DNAH9: variants seen among roughly 807,000 people sequenced by gnomAD.
DNAH9 encodes the protein dynein axonemal heavy chain 9, also known as DNAH9 variant protein.
In DNAH9, 345 loss-of-function variants were observed where a neutral mutation model predicts 471.6. The ratio of observed to expected loss-of-function variants is 0.73; its 90% CI spans 0.67 to 0.80. DNAH9 has a LOEUF of 0.80. Among genes scored for constraint, DNAH9 ranks in the 30% least tolerant of loss-of-function variants. The pLI is 0.00. For synonymous variants in DNAH9, 2,093 were observed against 2,123.6 expected (o/e 0.99, Z 0.40); for missense variants, 5,407 against 5,609.2 (o/e 0.96, Z 1.15).
At chr17:11,776,108 A>AC (rs1182194417) in intron 38 of DNAH9, among the ~76,000 whole-genome samples, 1 of 152,042 alleles carries the variant, frequency 6.6e-6, no homozygotes, top group Non-Finnish European at 1.5e-5. Context: ...GGCTTTCCTC[A>AC]CCTTAGTTCT....
chr17:11,676,983 G>A (rs1033639258), intron 17 of DNAH9, among the ~76,000 whole-genome samples: 3 of 151,802 alleles, frequency 2.0e-5, no homozygotes, highest in Non-Finnish European at 4.4e-5. Context: ...CAACTTAATT[G>A]TGCTGTGGTT....
At chr17:11,708,931 A>G (rs1820702266) in intron 26 of DNAH9, among the ~76,000 whole-genome samples, 1 of 152,124 alleles carries the variant, frequency 6.6e-6, no homozygotes, top group African/African-American at 2.4e-5. Flanking sequence ...ATACTCCTTG[A>G]GTGAATGCAA....
At chr17:11,633,122 T>C (rs1390095963) in intron 8 of DNAH9, among the ~76,000 whole-genome samples, 9 of 152,144 alleles carry the variant, frequency 5.9e-5, no homozygotes, top group Admixed American at 5.9e-4. Flanking sequence ...TTTGTGCTCT[T>C]ATCATATCAC....
intron 19 of DNAH9, among the ~76,000 whole-genome samples, chr17:11,688,576 A>G (rs1454083622): frequency 6.6e-6 from 1 of 152,240 alleles, no homozygotes; most frequent in Non-Finnish European, 1.5e-5. Context: ...GAGCTTCACC[A>G]TGAATGATGA....
At chr17:11,865,919 G>T (rs1412351345) in intron 50 of DNAH9, among the ~76,000 whole-genome samples, 1 of 152,030 alleles carries the variant, frequency 6.6e-6, no homozygotes, top group South Asian at 2.1e-4. Flanking sequence ...TTATACATTC[G>T]TCTAAATTTG....
chr17:11,911,688 C>A (rs1349554728), intron 61 of DNAH9, among the ~76,000 whole-genome samples: 1 of 152,172 alleles, frequency 6.6e-6, no homozygotes, highest in Non-Finnish European at 1.5e-5. Context: ...GTATTACCAT[C>A]TTAACAATAT....
At chr17:11,778,329 C>CAAAAAAAAAAAAAAA (rs57983162) in intron 38 of DNAH9, among the ~76,000 whole-genome samples, 2 of 48,638 alleles carry the variant, frequency 4.1e-5, no homozygotes, top group East Asian at 7.6e-4. Context: ...GACTCCATCT[C>CAAAAAAAAAAAAAAA]AAAAAAAAAA....
intron 50 of DNAH9, among the ~76,000 whole-genome samples, chr17:11,856,527 G>A (rs920623601): frequency 1.6e-5 from 2 of 125,696 alleles, no homozygotes; most frequent in East Asian, 2.1e-4. Flanking sequence ...GTGAAACCCC[G>A]TCTTTACTAA....
intron 4 of DNAH9, among the ~76,000 whole-genome samples, chr17:11,615,298 A>T (rs2072718749): frequency 6.6e-6 from 1 of 152,138 alleles, no homozygotes; most frequent in African/African-American, 2.4e-5. Context: ...AAAAGGTATG[A>T]GCTCGGCTGG....
intron 67 of DNAH9, among the ~76,000 whole-genome samples, chr17:11,945,559 T>G (rs890238998): frequency 6.6e-6 from 1 of 151,500 alleles, no homozygotes; most frequent in Non-Finnish European, 1.5e-5. Context: ...AAAAATCACT[T>G]TAAAGTTCTG....
intron 43 of DNAH9, among the ~76,000 whole-genome samples, chr17:11,806,267 G>A (rs556984354): frequency 3.3e-5 from 5 of 152,144 alleles, no homozygotes; most frequent in South Asian, 4.2e-4. Flanking sequence ...GTCATTCTGC[G>A]CGGCAGTCTC....
intron 35 of DNAH9, among the ~76,000 whole-genome samples, chr17:11,762,770 G>GTTTTGTTTTTTTTTTTTTTTTTT: frequency 1.1e-5 from 1 of 90,794 alleles, no homozygotes; most frequent in East Asian, 3.3e-4. Flanking sequence ...TTTTTTTTTT[G>GTTTTGTTTTTTTTTTTTTTTTTT]TTTTTTTTTT....
intron 25 of DNAH9, 120 bp from the exon 26 acceptor site, chr17:11,704,905 A>G (rs1053790471): frequency 2.5e-6 from 2 of 800,506 alleles, no homozygotes; most frequent in African/African-American, 3.4e-5. Context: ...TGGTGGCCAC[A>G]GCATGCTGCA....
intron 50 of DNAH9, among the ~76,000 whole-genome samples, chr17:11,863,278 T>C (rs1165401571): frequency 6.6e-6 from 1 of 152,230 alleles, no homozygotes; most frequent in East Asian, 1.9e-4. Flanking sequence ...ATTAAGATAA[T>C]CATGTGGTTT....
Position 11,719,206 on chromosome 17 carries a change from CG to C in DNAH9, c.5553-125del. On this transcript the variant is annotated intron_variant, in intron 26 of 68. Coordinates refer to ENST00000262442, the MANE Select transcript of DNAH9 (RefSeq NM_001372.4). Reference sequence around the variant, plus strand: ...GTCCTCCCCACAGTGCTGTGGGGAGCGGGAAAAAGGGGCAGGGCTCTTGGCT... The same window carrying C: ...GTCCTCCCCACAGTGCTGTGGGGAGCGGAAAAAGGGGCAGGGCTCTTGGCT... 6.9e-6 allele frequency: 6 copies of C among 875,570 alleles called. No individual in the cohort carries two copies. The South Asian group carries it at 1.1e-4, about 16-fold the overall frequency. The allele number at this position is 875,570 out of a possible 1,614,324, so 54.2% of individuals were successfully genotyped here.
chr17:11,847,293 T>A (rs1387219551), intron 49 of DNAH9, among the ~76,000 whole-genome samples: 2 of 152,226 alleles, frequency 1.3e-5, no homozygotes, highest in African/African-American at 2.4e-5. Flanking sequence ...CATTCCTATG[T>A]CCAGAATGGT....
At position 11,745,007 on chromosome 17, in the gene DNAH9, G is replaced by C; in HGVS notation, c.6322G>C (p.Asp2108His). ...FPALDVPRRR[D>H]PNFEALVRKA... ...CGCCCTGGATGTCCCCCGGAGGAGA[G>C]ACCCCAACTTCGAAGCTTTGGTTAG... is the stretch of plus-strand genomic sequence containing the variant. Residue 2108 changes from aspartate (D) to histidine (H), a missense_variant, in exon 31 of 69, where the codon GAC becomes CAC. Transcript: ENST00000262442. 1 of 1,614,120 alleles carries C rather than the reference G, an allele frequency of 6.2e-7. No homozygotes were observed. Among genetic ancestry groups the C allele is most frequent in the Non-Finnish European group, 8.5e-7 (1 of 1,179,984 alleles).
At position 11,969,358 on chromosome 17, in the gene DNAH9, T is replaced by A; in HGVS notation, c.13292T>A (p.Phe4431Tyr). The A allele has an allele frequency of 6.2e-7, 1 of 1,613,968 alleles. No homozygotes were observed. The highest frequency in any genetic ancestry group is 8.5e-7 in the Non-Finnish European group (1 of 1,179,988). Residue 4431 changes from phenylalanine (F) to tyrosine (Y), a missense_variant, in exon 69 of 69, where the codon TTC (phenylalanine) becomes TAC (tyrosine). Coordinates refer to ENST00000262442, the MANE Select transcript of DNAH9 (RefSeq NM_001372.4). ...CTGACACCCCCTATGCCTGTGATGT[T>A]CATCAAGGCCATTCCTGCAGATAAG... ...KDLTPPMPVMFIKAIPADKQD... is the reference protein window; with the variant it reads ...KDLTPPMPVMYIKAIPADKQD...
intron 7 of DNAH9, among the ~76,000 whole-genome samples, chr17:11,631,679 C>T (rs1271565462): frequency 6.7e-6 from 1 of 149,668 alleles, no homozygotes; most frequent in Non-Finnish European, 1.5e-5. Context: ...AGGCTATATA[C>T]AATGTATTTG....
Sources: gnomAD v4.1 joint callset for allele counts (sites outside exome capture counted in the v4.1 genomes callset) on GRCh38, gnomAD v4.1.1 for gene constraint, MANE v1.5 for transcripts, NCBI Gene and HGNC (gene_info 2026-07-23, HGNC 2026-07-21) for gene names.